RHOBTB3: variants seen among roughly 807,000 people sequenced by gnomAD.
RHOBTB3 encodes the protein rho-related BTB domain-containing protein 3.
In RHOBTB3, 47 loss-of-function variants were observed where a neutral mutation model predicts 67.2. The observed-to-expected ratio is 0.70, with a 90% CI of 0.55 to 0.89. The LOEUF (loss-of-function observed/expected upper bound fraction) is 0.89. Among genes scored for constraint, RHOBTB3 ranks in the 40% least tolerant of loss-of-function variants. RHOBTB3 has a pLI of 0.00. For synonymous variants in RHOBTB3, 273 were observed against 274.2 expected (o/e 1.00, Z 0.04); for missense variants, 631 against 750.0 (o/e 0.84, Z 1.85).
chr5:95,785,548 C>T (rs371124156), intron 10 of RHOBTB3, among the ~76,000 whole-genome samples: 5 of 150,470 alleles, frequency 3.3e-5, no homozygotes, highest in Non-Finnish European at 7.4e-5. Flanking sequence ...GAGCCGAGAT[C>T]GTGCCACTGC....
In RHOBTB3 at chr5:95,780,102, C is replaced by T. The variant is rs554535581; in HGVS notation, c.1283-150C>T. Reference sequence around the variant, plus strand: ...TGCTCCCTTTAAAATTAAGAAGTTTCTGGATTAATGGTAGTTATCACTCCC... The same window carrying T: ...TGCTCCCTTTAAAATTAAGAAGTTTTTGGATTAATGGTAGTTATCACTCCC... On this transcript the variant is annotated intron_variant, in intron 8 of 11. Coordinates refer to ENST00000379982, the MANE Select transcript of RHOBTB3 (RefSeq NM_014899.4). 1,279 of 551,500 alleles carry T rather than the reference C, an allele frequency of 2.3e-3. 2 individuals are homozygous for T. Among genetic ancestry groups the T allele is most frequent in the Non-Finnish European group, 3.0e-3 (936 of 313,746 alleles). 34.2% of individuals were successfully genotyped at this position (551,500 alleles called of 1,614,324 possible).
Position 95,755,696 on chromosome 5 carries a change from G to C in RHOBTB3, c.983G>C (p.Arg328Pro), listed in dbSNP as rs777319373. Residue 328 changes from arginine (R) to proline (P), a missense_variant, in exon 6 of 12, where the codon CGA (arginine) becomes CCA (proline). Coordinates refer to ENST00000379982, the MANE Select transcript of RHOBTB3 (RefSeq NM_014899.4). ...GAATCTTCAGGCAACCCACCATTAC[G>C]AGTCATTGTTAAAGACGCCCTCTTC... Reference protein sequence around the residue: ...SHESSGNPPLRVIVKDALFCS... With the variant: ...SHESSGNPPLPVIVKDALFCS... 1 of 1,614,012 alleles carries C rather than the reference G, an allele frequency of 6.2e-7. No individual in the cohort carries two copies. Among genetic ancestry groups the C allele is most frequent in the Non-Finnish European group, 8.5e-7 (1 of 1,179,980 alleles).
At chr5:95,744,878 C>G (rs1744826604) in intron 3 of RHOBTB3, among the ~76,000 whole-genome samples, 1 of 151,772 alleles carries the variant, frequency 6.6e-6, no homozygotes, top group African/African-American at 2.4e-5. Context: ...CAGGACCAGC[C>G]TGGGCAACAT....
intron 4 of RHOBTB3, among the ~76,000 whole-genome samples, chr5:95,750,395 G>C (rs748643418): frequency 2.0e-5 from 3 of 152,206 alleles, no homozygotes; most frequent in Admixed American, 6.5e-5. Flanking sequence ...GCGCTGTCCA[G>C]TATGGCAACC....
intron 8 of RHOBTB3, among the ~76,000 whole-genome samples, chr5:95,779,001 C>A (rs1745973196): frequency 6.6e-6 from 1 of 152,212 alleles, no homozygotes; most frequent in Non-Finnish European, 1.5e-5. Flanking sequence ...CCTATAGATC[C>A]TGAGTGATTA....
chr5:95,754,833 C>G (rs1380552938), intron 5 of RHOBTB3, among the ~76,000 whole-genome samples: 2 of 152,160 alleles, frequency 1.3e-5, no homozygotes, highest in African/African-American at 2.4e-5. Flanking sequence ...TTCAAACGAT[C>G]GAGTTCAAGA....
intron 3 of RHOBTB3, among the ~76,000 whole-genome samples, chr5:95,743,116 AT>A (rs2112784649): frequency 6.6e-6 from 1 of 152,312 alleles, no homozygotes; most frequent in African/African-American, 2.4e-5. Context: ...TCTCAGGATA[AT>A]TAATGATGCT....
At chr5:95,728,918 T>C (rs942297793), upstream of RHOBTB3, among the ~76,000 whole-genome samples, 1 of 152,178 alleles carries the variant, frequency 6.6e-6, no homozygotes, top group South Asian at 2.1e-4. Context: ...ATGCTAATTA[T>C]AATGCACTAG....
intron 3 of RHOBTB3, 88 bp from the exon 4 acceptor site, chr5:95,748,245 T>C: frequency 1.1e-6 from 1 of 936,180 alleles, no homozygotes; most frequent in East Asian, 2.7e-5. Context: ...TAGTATGAGC[T>C]CTTTGTTGTT....
intron 3 of RHOBTB3, among the ~76,000 whole-genome samples, chr5:95,738,322 T>C (rs984689472): frequency 1.3e-5 from 2 of 152,198 alleles, no homozygotes; most frequent in African/African-American, 2.4e-5. Flanking sequence ...CCATTTCCTA[T>C]TCATTCTTCA....
upstream of RHOBTB3, among the ~76,000 whole-genome samples, chr5:95,727,773 A>G (rs1755101318): frequency 6.6e-6 from 1 of 152,252 alleles, no homozygotes; most frequent in South Asian, 2.1e-4. Flanking sequence ...GATATCAGGA[A>G]ATGGACCATC....
At chr5:95,788,157 C>G (rs936681143) in intron 10 of RHOBTB3, among the ~76,000 whole-genome samples, 99 of 152,374 alleles carry the variant, frequency 6.5e-4, no homozygotes, top group African/African-American at 2.3e-3. Flanking sequence ...GTGATGATGT[C>G]AGTGGCCTGC....
At chr5:95,722,343 T>C (rs1478383056) in intron 1 of RHOBTB3, among the ~76,000 whole-genome samples, 1 of 152,180 alleles carries the variant, frequency 6.6e-6, no homozygotes, top group Non-Finnish European at 1.5e-5. Flanking sequence ...ATTATACCAC[T>C]TAACTCTAAC....
At chr5:95,736,782 T>G in intron 2 of RHOBTB3, 107 bp from the exon 3 acceptor site, 4 of 714,870 alleles carry the variant, frequency 5.6e-6, no homozygotes, top group Middle Eastern at 3.1e-4. Flanking sequence ...AGTAGTTACT[T>G]ATTTTAAAAT....
intron 6 of RHOBTB3, among the ~76,000 whole-genome samples, chr5:95,762,616 A>G (rs1469932504): frequency 6.6e-6 from 1 of 152,158 alleles, no homozygotes; most frequent in Non-Finnish European, 1.5e-5. Context: ...CTTGAATTAT[A>G]TTTTTATGAG....
At chr5:95,771,500 T>G (rs1561452087) in intron 8 of RHOBTB3, among the ~76,000 whole-genome samples, 1 of 152,056 alleles carries the variant, frequency 6.6e-6, no homozygotes, top group African/African-American at 2.4e-5. Flanking sequence ...GCAGCAAGAG[T>G]GACCTTGAGA....
intron 8 of RHOBTB3, among the ~76,000 whole-genome samples, chr5:95,775,032 G>C (rs550372210): frequency 6.6e-6 from 1 of 152,256 alleles, no homozygotes; most frequent in East Asian, 1.9e-4. Context: ...GTAGAGCAGA[G>C]ATTTGCACTT....
At chr5:95,766,243 C>T (rs556731688) in intron 7 of RHOBTB3, among the ~76,000 whole-genome samples, 9 of 151,832 alleles carry the variant, frequency 5.9e-5, no homozygotes, top group Admixed American at 5.9e-4. Flanking sequence ...AAGTAGATGT[C>T]ATTTATTCTT....
chr5:95,793,140 T>G lies in RHOBTB3; in HGVS notation c.1802T>G (p.Ile601Ser). 7 of 1,612,766 alleles carry G rather than the reference T, an allele frequency of 4.3e-6. No homozygotes were observed. Among genetic ancestry groups the G allele is most frequent in the Non-Finnish European group, 5.9e-6 (7 of 1,179,378 alleles). ...LKQLAEYRKY[I>S]HSRKCRCLVM is the part of the protein sequence containing the mutation. Reference sequence around the variant, plus strand: ...CAGCTTGCGGAATACAGGAAGTATATTCACTCCCGGAAATGTCGTTGCTTA... The same window carrying G: ...CAGCTTGCGGAATACAGGAAGTATAGTCACTCCCGGAAATGTCGTTGCTTA... Residue 601 changes from isoleucine to serine, a missense_variant, in exon 12 of 12, where the codon ATT becomes AGT. Physicochemically the swap from Ile to Ser is moderately radical, Grantham distance 142. Coordinates refer to ENST00000379982, the MANE Select transcript of RHOBTB3 (RefSeq NM_014899.4).
Sources: allele counts gnomAD v4.1 joint callset (sites outside exome capture counted in the v4.1 genomes callset), GRCh38; gene constraint gnomAD v4.1.1; transcripts MANE v1.5; gene names NCBI Gene and HGNC (gene_info 2026-07-23, HGNC 2026-07-21).